The following NTM variants were observed in gnomAD, a reference collection of about 807,000 sequenced individuals.
The protein encoded by NTM is IgLON family member 2.
A neutral mutation model predicts 42.1 loss-of-function variants in NTM; 13 were observed. The ratio of observed to expected loss-of-function variants is 0.31; its 90% CI spans 0.20 to 0.49. The LOEUF (loss-of-function observed/expected upper bound fraction) is 0.49, where lower values mean the gene tolerates loss of function less well. Among genes scored for constraint, NTM ranks in the 20% least tolerant of loss-of-function variants. The pLI is 0.99. For synonymous variants in NTM, 187 were observed against 179.2 expected, an observed-to-expected ratio of 1.04 and a Z score of -0.35; for missense variants, 373 against 452.8, an observed-to-expected ratio of 0.82 and a Z score of 1.60.
rs1479350849 is a variant in NTM, at chr11:131,878,588, AAAAAAAATATATATATATATATATATAT to A, written c.83-32974_83-32947del. Among the ~76,000 whole-genome samples the A allele has an allele frequency of 4.5e-3, 241 of 54,110 alleles. 27 individuals carry two copies. The highest frequency in any genetic ancestry group is 0.021 in the Middle Eastern group (3 of 146). The allele number at this position is 54,110 out of a possible 152,430, so 35.5% of individuals were successfully genotyped here. On this transcript the variant is annotated intron_variant, in intron 1 of 8. Transcript: ENST00000683400. ...CCATCTCAAAAAAAAAAAAAAAAAA[AAAAAAAATATATATATATATATATATAT>A]ATATATATATATATATATATATATA... is the stretch of plus-strand genomic sequence containing the variant.
chr11:131,656,287 G>T (rs2067178805), intron 1 of NTM, among the ~76,000 whole-genome samples: 1 of 152,226 alleles, frequency 6.6e-6, no homozygotes, highest in Non-Finnish European at 1.5e-5. Context: ...CTGGAGAAAA[G>T]ATTTTAAATC....
At chr11:131,461,732 T>C (rs564022642) in intron 1 of NTM, among the ~76,000 whole-genome samples, 1 of 152,324 alleles carries the variant, frequency 6.6e-6, no homozygotes, top group African/African-American at 2.4e-5. Context: ...AGGCAATGGG[T>C]ATATTATCTA....
intron 1 of NTM, among the ~76,000 whole-genome samples, chr11:131,784,811 CTA>C (rs1053020769): frequency 5.9e-5 from 9 of 152,172 alleles, no homozygotes; most frequent in East Asian, 1.9e-4. Context: ...CGTTCTAAAT[CTA>C]TCTTTTTAGC....
At chr11:132,158,819 A>T (rs912715293) in intron 3 of NTM, among the ~76,000 whole-genome samples, 6 of 152,206 alleles carry the variant, frequency 3.9e-5, no homozygotes, top group African/African-American at 1.4e-4. Flanking sequence ...TTTTCTTAGC[A>T]AGGTAAAGAA....
chr11:131,424,600 C>CTTTTCTTTTTTTTTTT (rs1555108116), intron 1 of NTM, among the ~76,000 whole-genome samples: 1,579 of 55,908 alleles, frequency 0.028, 133 homozygotes, highest in Non-Finnish European at 0.043. Flanking sequence ...CTTTTCTTTT[C>CTTTTCTTTTTTTTTTT]TTTTTTTTTT....
chr11:131,747,135 C>T (rs1271105337), intron 1 of NTM, among the ~76,000 whole-genome samples: 1 of 152,144 alleles, frequency 6.6e-6, no homozygotes, highest in East Asian at 1.9e-4. Flanking sequence ...TACTAATATG[C>T]TAGAGGGAAA....
At chr11:132,011,775 C>T (rs1481375648) in intron 2 of NTM, among the ~76,000 whole-genome samples, 1 of 152,182 alleles carries the variant, frequency 6.6e-6, no homozygotes, top group East Asian at 1.9e-4. Context: ...TCTAGTACCT[C>T]AAGTGGTTTC....
chr11:132,314,448 G>C (rs1451308671), intron 6 of NTM, 104 bp from the exon 7 acceptor site: 3 of 1,293,378 alleles, frequency 2.3e-6, no homozygotes, highest in Non-Finnish European at 3.1e-6. Context: ...AATGATGTCA[G>C]AAAGGGGGGC....
intron 1 of NTM, among the ~76,000 whole-genome samples, chr11:131,524,920 G>A (rs752908783): frequency 1.3e-5 from 2 of 152,216 alleles, no homozygotes; most frequent in Non-Finnish European, 2.9e-5. Flanking sequence ...AATAGTTCTT[G>A]CCTAATGGCA....
At chr11:131,606,902 T>G (rs1313186810) in intron 1 of NTM, among the ~76,000 whole-genome samples, 1 of 152,204 alleles carries the variant, frequency 6.6e-6, no homozygotes. Flanking sequence ...GACCTCTAAA[T>G]GTATCTTTAT....
At chr11:131,951,840 A>T (rs2061027370) in intron 2 of NTM, among the ~76,000 whole-genome samples, 1 of 151,364 alleles carries the variant, frequency 6.6e-6, no homozygotes, top group South Asian at 2.1e-4. Flanking sequence ...AAAAAAAAAA[A>T]AAAGCCCAAC....
intron 4 of NTM, among the ~76,000 whole-genome samples, chr11:132,268,666 C>CTGTGTGTG (rs755450370): frequency 1.4e-4 from 12 of 88,044 alleles, no homozygotes; most frequent in Middle Eastern, 7.0e-3. Flanking sequence ...TCCTCTCTCT[C>CTGTGTGTG]TCTCTGTGTG....
At chr11:131,925,896 C>A (rs1173007434) in intron 2 of NTM, among the ~76,000 whole-genome samples, 1 of 152,130 alleles carries the variant, frequency 6.6e-6, no homozygotes, top group East Asian at 1.9e-4. Flanking sequence ...GGGATCTTGT[C>A]TTACTTTTGT....
At chr11:131,525,026 C>T (rs2050264162) in intron 1 of NTM, among the ~76,000 whole-genome samples, 1 of 151,818 alleles carries the variant, frequency 6.6e-6, no homozygotes, top group South Asian at 2.1e-4. Context: ...TGGGATGTAT[C>T]CTAAGTAATT....
chr11:131,726,004 G>T (rs2078924964), intron 1 of NTM, among the ~76,000 whole-genome samples: 1 of 152,164 alleles, frequency 6.6e-6, no homozygotes, highest in Admixed American at 6.5e-5. Context: ...TTTAAGATTT[G>T]CTCTAAGAGA....
intron 1 of NTM, among the ~76,000 whole-genome samples, chr11:131,636,267 G>A (rs955024643): frequency 2.6e-5 from 4 of 152,036 alleles, no homozygotes; most frequent in Admixed American, 6.6e-5. Context: ...ACCTCTCTAC[G>A]GCTACATTTT....
chr11:132,317,145 C>G (rs973459567), intron 7 of NTM, among the ~76,000 whole-genome samples: 1 of 152,140 alleles, frequency 6.6e-6, no homozygotes, highest in Non-Finnish European at 1.5e-5. Context: ...TCACAAGCAC[C>G]TGATCGCTAA....
rs148667583 is a variant in NTM at position 132,020,421 on chromosome 11, A to C, written c.167+108773A>C. Among the ~76,000 whole-genome samples, 692 of 150,064 alleles carry C rather than the reference A, an allele frequency of 4.6e-3. 4 individuals carry two copies. The highest frequency in any genetic ancestry group is 0.016 in the African/African-American group (664 of 41,352). On this transcript the variant is annotated intron_variant, in intron 2 of 8. Transcript: ENST00000683400. The stretch of plus-strand genomic sequence containing the variant: ...CTTTTTAAGTTCCTCTATTTCTTTT[A>C]CATTGTCTTATTTTGTATTAAATAA...
intron 1 of NTM, among the ~76,000 whole-genome samples, chr11:131,789,144 C>G (rs932141213): frequency 1.3e-5 from 2 of 151,896 alleles, no homozygotes; most frequent in Admixed American, 1.3e-4. Context: ...TCTCAGTCAT[C>G]GCTGGATGTT....
Sources: allele counts gnomAD v4.1 joint callset (sites outside exome capture counted in the v4.1 genomes callset), GRCh38; gene constraint gnomAD v4.1.1; transcripts MANE v1.5; gene names NCBI Gene and HGNC (gene_info 2026-07-23, HGNC 2026-07-21).